The following PITPNM3 variants were observed in gnomAD, a reference collection of about 807,000 sequenced individuals.
PITPNM3 encodes the protein PITPNM family member 3, also known as membrane-associated phosphatidylinositol transfer protein 3.
PITPNM3 carries 26 observed loss-of-function variants against 102.0 expected under a neutral mutation model. The observed-to-expected ratio is 0.25, with a 90% CI of 0.19 to 0.35. The LOEUF is 0.35. Ranked by LOEUF, PITPNM3 falls within the 10% of genes least tolerant of loss-of-function variation. The pLI, the probability that PITPNM3 is intolerant of heterozygous loss-of-function variation, is 1.00. For missense variants in PITPNM3, 1,083 were observed against 1,346.1 expected (o/e 0.80, Z 3.06); for synonymous variants, 578 against 558.6 (o/e 1.03, Z -0.49).
Position 6,474,597 on chromosome 17 carries a change from AGTG to A in PITPNM3, c.1090_1092del (p.His364del). 6.4e-7 allele frequency: 1 copy of A among 1,565,844 alleles called. No homozygotes were observed. Among genetic ancestry groups the A allele is most frequent in the Non-Finnish European group, 8.7e-7 (1 of 1,155,930 alleles). ...TCAGACTCATCCTTTAGCACGCTGG[AGTG>A]GATGCTGCGGAGGGAGGAGGACGCA... On this transcript the variant is annotated inframe_deletion, in exon 10 of 20. Coordinates refer to ENST00000262483, the MANE Select transcript of PITPNM3 (RefSeq NM_031220.4).
intron 1 of PITPNM3, among the ~76,000 whole-genome samples, chr17:6,545,976 C>A (rs541966982): frequency 2.0e-5 from 3 of 152,334 alleles, no homozygotes; most frequent in South Asian, 2.1e-4. Flanking sequence ...CTTAGCAAGG[C>A]CCCCTCTCAG....
intron 1 of PITPNM3, among the ~76,000 whole-genome samples, chr17:6,542,337 G>A (rs1464107247): frequency 6.6e-6 from 1 of 152,188 alleles, no homozygotes; most frequent in Non-Finnish European, 1.5e-5. Flanking sequence ...CTGCTTGGCT[G>A]TTGTGTGTGT....
chr17:6,462,398 T>C (rs1904509439), intron 17 of PITPNM3, among the ~76,000 whole-genome samples: 1 of 152,132 alleles, frequency 6.6e-6, no homozygotes, highest in Non-Finnish European at 1.5e-5. Context: ...ATGGGATCTC[T>C]CCAGCCCACC....
At chr17:6,497,221 T>TG (rs976013878) in intron 4 of PITPNM3, among the ~76,000 whole-genome samples, 3 of 151,944 alleles carry the variant, frequency 2.0e-5, no homozygotes, top group African/African-American at 7.3e-5. Context: ...CTGTCTGTGG[T>TG]GGGGGGTCTT....
chr17:6,455,357 T>G lies in PITPNM3; in HGVS notation c.2906A>C (p.Lys969Thr). Residue 969 changes from lysine (K) to threonine (T), a missense_variant, in exon 20 of 20, where the codon AAG (lysine) becomes ACG (threonine). Lys to Thr is a moderately conservative substitution (Grantham distance 78). Coordinates refer to ENST00000262483, the MANE Select transcript of PITPNM3 (RefSeq NM_031220.4). ...PALSWARGPPKFESVP is the reference protein window; with the variant it reads ...PALSWARGPPTFESVP Reference sequence around the variant, plus strand: ...CACCCCTCAGGGCACCGACTCGAACTTGGGGGGCCCACGCGCCCAGCTGAG... The same window carrying G: ...CACCCCTCAGGGCACCGACTCGAACGTGGGGGGCCCACGCGCCCAGCTGAG... 6.3e-7 allele frequency: 1 copy of G among 1,582,762 alleles called. No individual in the cohort carries two copies. Among genetic ancestry groups the G allele is most frequent in the Non-Finnish European group, 8.6e-7 (1 of 1,166,342 alleles).
chr17:6,487,544 CG>C (rs1421116405), intron 4 of PITPNM3, among the ~76,000 whole-genome samples: 1 of 152,150 alleles, frequency 6.6e-6, no homozygotes, highest in African/African-American at 2.4e-5. Context: ...CTGGGCTGGG[CG>C]CCTGTTTGCA....
intron 4 of PITPNM3, among the ~76,000 whole-genome samples, chr17:6,500,600 C>G (rs1907110914): frequency 6.6e-6 from 1 of 152,160 alleles, no homozygotes; most frequent in African/African-American, 2.4e-5. Flanking sequence ...CATCCCCAAC[C>G]TAGACAACCT....
Position 6,481,853 on chromosome 17 carries a change from T to TAGAGAGAGAG in PITPNM3, c.587+1654_587+1663dup, listed in dbSNP as rs369845541. The TAGAGAGAGAG allele has an allele frequency of 1.4e-3, 94 of 68,516 alleles. 5 individuals are homozygous for TAGAGAGAGAG. The highest frequency in any genetic ancestry group is 3.1e-3 in the African/African-American group (60 of 19,154). 4.2% of individuals were successfully genotyped at this position (68,516 alleles called of 1,614,324 possible). A position where few individuals can be genotyped will look rare whatever the true frequency, so the allele number is the denominator to read the frequency against. ...TAGATAGATAAACAGAATAGAATGA[T>TAGAGAGAGAG]AGAGAGAGAGAGAGAGAGAGAGAGA... On this transcript the variant is annotated intron_variant, in intron 6 of 19. Coordinates refer to ENST00000262483, the MANE Select transcript of PITPNM3 (RefSeq NM_031220.4).
intron 4 of PITPNM3, among the ~76,000 whole-genome samples, chr17:6,485,954 C>T (rs1906067362): frequency 6.6e-6 from 1 of 152,226 alleles, no homozygotes; most frequent in Admixed American, 6.5e-5. Flanking sequence ...GCAGCAGACA[C>T]CTTACAGCTC....
Position 6,464,172 on chromosome 17 carries a change from G to C in PITPNM3, c.2154C>G (p.Val718=). 1 of 1,614,176 alleles carries C rather than the reference G, an allele frequency of 6.2e-7. No homozygotes were observed. The highest frequency in any genetic ancestry group is 8.5e-7 in the Non-Finnish European group (1 of 1,180,030). ...TGAGAATGGCCCCTGGGTCTTACCT[G>C]ACGACCATCTTCACAGGATAGACAC... The part of the protein sequence containing the change: ...GVGVYPVKMV[V]RGDQTCAMSY... Residue 718 remains valine (V), a splice_region_variant and synonymous_variant, in exon 16 of 20, where the codon GTC becomes GTG. Coordinates refer to ENST00000262483, the MANE Select transcript of PITPNM3 (RefSeq NM_031220.4).
intron 4 of PITPNM3, among the ~76,000 whole-genome samples, chr17:6,499,703 CTTTTA>C (rs906215635): frequency 4.0e-5 from 4 of 100,626 alleles, no homozygotes; most frequent in African/African-American, 1.6e-4. Flanking sequence ...GCCATCTTTT[CTTTTA>C]TTTATTTATT....
intron 4 of PITPNM3, among the ~76,000 whole-genome samples, chr17:6,484,596 C>A (rs1905959043): frequency 1.3e-5 from 2 of 152,208 alleles, no homozygotes. Flanking sequence ...AGGACAGCAG[C>A]AAGGGTGAGT....
chr17:6,489,455 G>A (rs1906295790), intron 4 of PITPNM3, among the ~76,000 whole-genome samples: 1 of 150,894 alleles, frequency 6.6e-6, no homozygotes, highest in African/African-American at 2.4e-5. Flanking sequence ...GCTCATACAT[G>A]GGTGGAAACA....
chr17:6,544,654 T>TCACACACACACACA (rs754945876), intron 1 of PITPNM3, among the ~76,000 whole-genome samples: 8 of 130,272 alleles, frequency 6.1e-5, no homozygotes, highest in African/African-American at 1.8e-4. Flanking sequence ...TCTCTCTCTC[T>TCACACACACACACA]CACACACACA....
At chr17:6,476,998 GTCT>G (rs1361801327) in intron 9 of PITPNM3, 28 bp downstream of exon 9, 3 of 1,612,076 alleles carry the variant, frequency 1.9e-6, no homozygotes, top group African/African-American at 2.7e-5. Flanking sequence ...CTGAGCCAAG[GTCT>G]TCTTGCTTCT....
intron 17 of PITPNM3, 30 bp downstream of exon 17, chr17:6,463,702 G>C: frequency 6.2e-7 from 1 of 1,607,942 alleles, no homozygotes; most frequent in Non-Finnish European, 8.5e-7. Flanking sequence ...CCCCCAGGGA[G>C]ATATAGCCCT....
chr17:6,519,613 T>C (rs1210285959), intron 3 of PITPNM3, among the ~76,000 whole-genome samples: 1 of 151,700 alleles, frequency 6.6e-6, no homozygotes, highest in Non-Finnish European at 1.5e-5. Context: ...GCAGATCACT[T>C]GAGGTCAGGA....
In PITPNM3 at chr17:6,520,174, C is replaced by A. The variant is rs770965065; in HGVS notation, c.226+5182G>T. Among the ~76,000 whole-genome samples the A allele has an allele frequency of 3.3e-5, 5 of 152,250 alleles. No homozygotes were observed. In the East Asian group the frequency reaches 5.8e-4, roughly 18 times the overall value. Reference sequence around the variant, plus strand: ...AAAACAAGAAAACGTTTTTACCCGACCATTACATAAAATGTTGAAGTTTGA... The same window carrying A: ...AAAACAAGAAAACGTTTTTACCCGAACATTACATAAAATGTTGAAGTTTGA... On this transcript the variant is annotated intron_variant, in intron 3 of 19. Transcript: ENST00000262483.
In PITPNM3 at chr17:6,459,491, T is replaced by C. The variant is rs1904350709; in HGVS notation, c.2491-1769A>G. Among the ~76,000 whole-genome samples the C allele has an allele frequency of 6.6e-6, 1 of 151,972 alleles. No homozygotes were observed. The highest frequency in any genetic ancestry group is 1.5e-5 in the Non-Finnish European group (1 of 68,010). On this transcript the variant is annotated intron_variant, in intron 18 of 19. Coordinates refer to ENST00000262483, the MANE Select transcript of PITPNM3 (RefSeq NM_031220.4). The surrounding 1 kb of genome is among the most constrained non-coding windows in gnomAD (Gnocchi z 5.0). Reference sequence around the variant, plus strand: ...GCTCCACTGATCCGTCTCATGCATCTGTTTCCCAGTCTCCACCTGCAGCCC... The same window carrying C: ...GCTCCACTGATCCGTCTCATGCATCCGTTTCCCAGTCTCCACCTGCAGCCC...
Sources: allele counts gnomAD v4.1 joint callset (sites outside exome capture counted in the v4.1 genomes callset), GRCh38; gene constraint gnomAD v4.1.1; non-coding constraint Gnocchi (gnomAD v3.1); transcripts MANE v1.5; gene names NCBI Gene and HGNC (gene_info 2026-07-23, HGNC 2026-07-21).